PCSK2: variants seen among roughly 807,000 people sequenced by gnomAD.
PCSK2 encodes the protein neuroendocrine convertase 2.
A neutral mutation model predicts 69.7 loss-of-function variants in PCSK2; 14 were observed. That is an observed-to-expected ratio of 0.20 (90% confidence interval 0.13 to 0.31). The LOEUF (loss-of-function observed/expected upper bound fraction) is 0.31. PCSK2 is among the 10% of genes least tolerant of loss of function. PCSK2 has a pLI of 1.00. For synonymous variants in PCSK2, 307 were observed against 320.7 expected (o/e 0.96, Z 0.46); for missense variants, 544 against 842.5 (o/e 0.65, Z 4.39).
At chr20:17,449,797 G>A (rs2032783600) in intron 8 of PCSK2, among the ~76,000 whole-genome samples, 1 of 151,852 alleles carries the variant, frequency 6.6e-6, no homozygotes, top group African/African-American at 2.4e-5. Flanking sequence ...AAAGTGCTGG[G>A]ATTACAGGCG....
chr20:17,348,041 A>G (rs1273435517), intron 2 of PCSK2, among the ~76,000 whole-genome samples: 8 of 90,404 alleles, frequency 8.8e-5, no homozygotes, highest in Non-Finnish European at 1.9e-4. Context: ...GAAGAAAGAA[A>G]GAAAGAAAGG....
chr20:17,443,694 C>T (rs2269015), intron 8 of PCSK2, among the ~76,000 whole-genome samples: 10,974 of 152,182 alleles, frequency 0.072, 491 homozygotes, highest in East Asian at 0.17. Flanking sequence ...TCATTTTCCA[C>T]GGACTTCTGC....
intron 7 of PCSK2, among the ~76,000 whole-genome samples, chr20:17,433,155 T>C (rs1456695102): frequency 2.0e-5 from 3 of 152,220 alleles, no homozygotes; most frequent in Non-Finnish European, 4.4e-5. Context: ...TGATTGAAGA[T>C]TTTGAAAAAT....
At chr20:17,390,492 G>C (rs1474619848) in intron 5 of PCSK2, among the ~76,000 whole-genome samples, 1 of 152,198 alleles carries the variant, frequency 6.6e-6, no homozygotes, top group Admixed American at 6.5e-5. Flanking sequence ...CCCTGTGAAT[G>C]TGGGAAGAAT....
chr20:17,243,713 G>A (rs573143195), intron 1 of PCSK2, among the ~76,000 whole-genome samples: 7 of 152,214 alleles, frequency 4.6e-5, no homozygotes, highest in Admixed American at 2.6e-4. Context: ...TGTGAACAGC[G>A]CATCAAGAAG....
At chr20:17,391,043 A>G (rs1021193763) in intron 5 of PCSK2, among the ~76,000 whole-genome samples, 4 of 152,198 alleles carry the variant, frequency 2.6e-5, no homozygotes, top group Non-Finnish European at 4.4e-5. Context: ...GCTGTTATAA[A>G]CTACGAGACG....
chr20:17,226,428 G>T (rs73256197), upstream of PCSK2: 12,550 of 152,280 alleles, frequency 0.082, 1,708 homozygotes, highest in African/African-American at 0.28. Flanking sequence ...CCTCCCCGGG[G>T]ATTTGCCCAA....
intron 1 of PCSK2, among the ~76,000 whole-genome samples, chr20:17,230,929 TG>T (rs1986123765): frequency 6.6e-6 from 1 of 152,244 alleles, no homozygotes; most frequent in Non-Finnish European, 1.5e-5. Flanking sequence ...CAAAGACCTA[TG>T]TCTATCAGAA....
chr20:17,459,000 TAAG>T (rs1352075915), intron 10 of PCSK2, among the ~76,000 whole-genome samples: 4 of 152,164 alleles, frequency 2.6e-5, no homozygotes, highest in African/African-American at 9.7e-5. Context: ...GTAGATGTCA[TAAG>T]AAGATCAGTT....
At chr20:17,291,611 C>T (rs1366345911) in intron 2 of PCSK2, among the ~76,000 whole-genome samples, 1 of 152,160 alleles carries the variant, frequency 6.6e-6, no homozygotes, top group Non-Finnish European at 1.5e-5. Flanking sequence ...TTGATGGATG[C>T]TACCAATTGT....
intron 2 of PCSK2, among the ~76,000 whole-genome samples, chr20:17,287,753 C>T (rs926866122): frequency 2.0e-5 from 3 of 152,184 alleles, no homozygotes; most frequent in Non-Finnish European, 4.4e-5. Flanking sequence ...AAGATTATAA[C>T]CCTGGCCAGC....
intron 5 of PCSK2, among the ~76,000 whole-genome samples, chr20:17,386,394 A>G (rs116311563): frequency 1.9e-3 from 290 of 152,340 alleles, no homozygotes; most frequent in African/African-American, 6.8e-3. Context: ...CATACATATA[A>G]TGGAATATTA....
At chr20:17,268,619 A>G (rs2123018695) in intron 2 of PCSK2, among the ~76,000 whole-genome samples, 1 of 152,286 alleles carries the variant, frequency 6.6e-6, no homozygotes, top group African/African-American at 2.4e-5. Context: ...TGAGCCAAGG[A>G]CAGTGGGGAA....
chr20:17,479,602 A>G (rs2033355709), intron 11 of PCSK2, among the ~76,000 whole-genome samples: 1 of 152,158 alleles, frequency 6.6e-6, no homozygotes, highest in Non-Finnish European at 1.5e-5. Flanking sequence ...GATCGAGACC[A>G]TCATGGCTAA....
chr20:17,290,521 A>G (rs541288726), intron 2 of PCSK2, among the ~76,000 whole-genome samples: 22 of 152,260 alleles, frequency 1.4e-4, no homozygotes, highest in Non-Finnish European at 2.2e-4. Flanking sequence ...GGTGGATGTT[A>G]TCATCCTGTT....
At chr20:17,370,629 G>A (rs1438431578) in intron 5 of PCSK2, among the ~76,000 whole-genome samples, 2 of 152,174 alleles carry the variant, frequency 1.3e-5, no homozygotes, top group African/African-American at 4.8e-5. Context: ...TGGAGTCTGA[G>A]GAAACAGCCC....
At chr20:17,396,942 G>A (rs750190891) in intron 5 of PCSK2, among the ~76,000 whole-genome samples, 3 of 152,116 alleles carry the variant, frequency 2.0e-5, no homozygotes, top group Admixed American at 6.5e-5. Context: ...TGGGAGAATC[G>A]GCCAGTTCTA....
chr20:17,246,433 G>A (rs1178451565), intron 1 of PCSK2, among the ~76,000 whole-genome samples: 1 of 152,158 alleles, frequency 6.6e-6, no homozygotes, highest in Non-Finnish European at 1.5e-5. Flanking sequence ...CAAGGCAGAT[G>A]ATCAGAGAAA....
chr20:17,481,453 G>T, intron 11 of PCSK2, 131 bp from the exon 12 acceptor site: 1 of 690,860 alleles, frequency 1.4e-6, no homozygotes, highest in South Asian at 1.8e-5. Flanking sequence ...AGCCAGTGTG[G>T]GAACTAAACC....
Sources: gnomAD v4.1 joint callset for allele counts (sites outside exome capture counted in the v4.1 genomes callset) on GRCh38, gnomAD v4.1.1 for gene constraint, MANE v1.5 for transcripts, NCBI Gene and HGNC (gene_info 2026-07-23, HGNC 2026-07-21) for gene names.